The following NUP214 variants were observed in gnomAD, a reference collection of about 807,000 sequenced individuals.
NUP214 encodes nuclear pore complex protein Nup214.
NUP214 carries 79 observed loss-of-function variants against 196.2 expected under a neutral mutation model. The ratio of observed to expected loss-of-function variants is 0.40; its 90% confidence interval spans 0.34 to 0.49. The LOEUF is 0.49. Among genes scored for constraint, NUP214 ranks in the 20% least tolerant of loss-of-function variants. The pLI, the probability that NUP214 is intolerant of heterozygous loss-of-function variation, is 0.58. For synonymous variants in NUP214, 1,020 were observed against 990.5 expected (o/e 1.03, Z -0.56); for missense variants, 2,468 against 2,539.0 (o/e 0.97, Z 0.60).
In NUP214 at chr9:131,198,882, G is replaced by A; in HGVS notation, c.5388G>A (p.Gly1796=). 1 of 1,614,178 alleles carries A rather than the reference G, an allele frequency of 6.2e-7. No individual in the cohort carries two copies. The highest frequency in any genetic ancestry group is 1.3e-5 in the African/African-American group (1 of 75,044). Residue 1796 remains glycine (G), a synonymous_variant, in exon 29 of 36, where the codon GGG becomes GGA. Transcript: ENST00000359428. ...FGQSSPNTGG[G]LFGQSNAPAF... is the part of the protein sequence containing the mutation. ...AGTCTTCTCCCAACACAGGAGGGGG[G>A]CTGTTTGGCCAAAGCAACGCTCCTG...
intron 19 of NUP214, among the ~76,000 whole-genome samples, chr9:131,163,491 G>A (rs1832701919): frequency 6.6e-6 from 1 of 152,138 alleles, no homozygotes. Context: ...CAGCTGATAG[G>A]ATTAAGTTGA....
In NUP214 at chr9:131,175,599, G is replaced by A. The variant is rs779915541; in HGVS notation, c.3297G>A (p.Arg1099=). ...CAGCTGCCGCAGCAGCACTCAGGCG[G>A]CAGATGGCCAGTCAGGCACCAGGTA... The part of the protein sequence containing the change: ...PQAAAAAALR[R]QMASQAPAVN... The change falls in exon 23 of 36, where the codon CGG becomes CGA. Residue 1099 remains arginine (R), a synonymous_variant. Coordinates refer to ENST00000359428, the MANE Select transcript of NUP214 (RefSeq NM_005085.4). 3 of 1,614,052 alleles carry A rather than the reference G, an allele frequency of 1.9e-6. No individual in the cohort carries two copies. The highest frequency in any genetic ancestry group is 2.2e-5 in the South Asian group (2 of 91,090).
At chr9:131,220,909 C>A (rs1834538404) in intron 31 of NUP214, among the ~76,000 whole-genome samples, 1 of 152,194 alleles carries the variant, frequency 6.6e-6, no homozygotes, top group Admixed American at 6.5e-5. Flanking sequence ...ACCACTGTCC[C>A]AATAACATCA....
At chr9:131,172,938 G>A (rs997168946) in intron 21 of NUP214, among the ~76,000 whole-genome samples, 1 of 152,198 alleles carries the variant, frequency 6.6e-6, no homozygotes, top group Non-Finnish European at 1.5e-5. Flanking sequence ...TATACAGGAA[G>A]TATTCACTTG....
At chr9:131,140,759 A>C in intron 11 of NUP214, 49 bp downstream of exon 11, 1 of 1,546,384 alleles carries the variant, frequency 6.5e-7, no homozygotes, top group Non-Finnish European at 8.8e-7. Flanking sequence ...ATGGGCTTGC[A>C]CAAGAGTATT....
At chr9:131,163,485 T>A (rs1051539266) in intron 19 of NUP214, among the ~76,000 whole-genome samples, 3 of 152,164 alleles carry the variant, frequency 2.0e-5, no homozygotes, top group Non-Finnish European at 4.4e-5. Context: ...GAAAATCAGC[T>A]GATAGGATTA....
chr9:131,229,909 T>C, intron 33 of NUP214: 1 of 386,898 alleles, frequency 2.6e-6, no homozygotes, highest in South Asian at 1.9e-5. Context: ...CTGCCCCTTC[T>C]CCCAGAAACC....
intron 30 of NUP214, among the ~76,000 whole-genome samples, chr9:131,204,272 T>C (rs1834017316): frequency 1.3e-5 from 2 of 152,172 alleles, no homozygotes; most frequent in African/African-American, 4.8e-5. Flanking sequence ...TATAAAATCT[T>C]AAGAAGTGTC....
At chr9:131,194,460 A>G (rs1371970460) in intron 27 of NUP214, among the ~76,000 whole-genome samples, 1 of 151,894 alleles carries the variant, frequency 6.6e-6, no homozygotes, top group East Asian at 1.9e-4. Context: ...CTGGTCTCAA[A>G]CTCCTGGGCT....
intron 30 of NUP214, among the ~76,000 whole-genome samples, chr9:131,209,003 A>G (rs1348715901): frequency 6.6e-6 from 1 of 152,026 alleles, no homozygotes; most frequent in Admixed American, 6.6e-5. Flanking sequence ...ACAGAGTGAG[A>G]CTCCATCTCA....
chr9:131,164,011 A>G (rs746888883), intron 20 of NUP214, 50 bp from the exon 21 acceptor site: 34 of 1,612,756 alleles, frequency 2.1e-5, no homozygotes, highest in Non-Finnish European at 2.6e-5. Flanking sequence ...AAGTACTGAT[A>G]TCTTAAAAAC....
At chr9:131,163,415 A>G in intron 19 of NUP214, 1 of 494,962 alleles carries the variant, frequency 2.0e-6, no homozygotes, top group Non-Finnish European at 3.5e-6. Context: ...CACTGATGAA[A>G]TGGGTGCTGA....
intron 32 of NUP214, among the ~76,000 whole-genome samples, chr9:131,223,956 A>G (rs1480126751): frequency 1.3e-5 from 2 of 148,630 alleles, no homozygotes; most frequent in Non-Finnish European, 3.0e-5. Flanking sequence ...GGATGGTCTC[A>G]ATCTCCTGAC....
chr9:131,129,393 G>T lies in NUP214; in HGVS notation c.508G>T (p.Ala170Ser). ...TVPSMVAVCL[A>S]DGSIAVLQVT... The stretch of plus-strand genomic sequence containing the variant: ...CCCCTCCATGGTGGCAGTTTGTCTG[G>T]CTGATGGTAGTATTGCTGTCCTGCA... The change falls in exon 4 of 36, where the codon GCT becomes TCT. Residue 170 changes from alanine to serine, a missense_variant. Ala to Ser is a moderately conservative substitution (Grantham distance 99). Coordinates refer to ENST00000359428, the MANE Select transcript of NUP214 (RefSeq NM_005085.4). The T allele has an allele frequency of 6.2e-7, 1 of 1,614,224 alleles. No individual in the cohort carries two copies. Among genetic ancestry groups the T allele is most frequent in the Non-Finnish European group, 8.5e-7 (1 of 1,180,032 alleles).
At chr9:131,132,698 C>T in intron 6 of NUP214, 39 bp downstream of exon 6, 1 of 1,530,894 alleles carries the variant, frequency 6.5e-7, no homozygotes. Context: ...CCTCTAATGA[C>T]ATGTTATGTA....
At chr9:131,132,884 A>G (rs1007840132) in intron 6 of NUP214, 15 of 618,632 alleles carry the variant, frequency 2.4e-5, no homozygotes, top group African/African-American at 5.6e-5. Context: ...TTTTATTACA[A>G]TTCTTCATAA....
Position 131,127,662 on chromosome 9 carries a change from T to G in NUP214, c.184T>G (p.Phe62Val), listed in dbSNP as rs1473026676. The G allele has an allele frequency of 6.2e-7, 1 of 1,613,980 alleles. No individual in the cohort carries two copies. The highest frequency in any genetic ancestry group is 8.5e-7 in the Non-Finnish European group (1 of 1,180,026). Reference protein sequence around the residue: ...FAGGASGLQIFPTKNLLIQNK... With the variant: ...FAGGASGLQIVPTKNLLIQNK... ...TGGTGGAGCCAGTGGCTTGCAGATT[T>G]TTCCTACTAAAAATCTTCTTATTCA... The change falls in exon 2 of 36, where the codon TTT becomes GTT. Residue 62 changes from phenylalanine (F) to valine (V), a missense_variant. This residue lies in a region of NUP214 where 392 missense variants were observed against 417.9 expected (regional missense o/e 0.94). Transcript: ENST00000359428.
At chr9:131,173,355 C>CTTT (rs10706351) in intron 21 of NUP214, among the ~76,000 whole-genome samples, 907 of 38,218 alleles carry the variant, frequency 0.024, 26 homozygotes, top group Non-Finnish European at 0.033. Context: ...TGCACCCAGC[C>CTTT]TTTTTTTTTT....
At chr9:131,180,742 C>T (rs984066488) in intron 24 of NUP214, among the ~76,000 whole-genome samples, 2 of 152,146 alleles carry the variant, frequency 1.3e-5, no homozygotes, top group Admixed American at 1.3e-4. Flanking sequence ...GCCCTGGGTA[C>T]TAGAGATAGG....
Sources: allele counts gnomAD v4.1 joint callset (sites outside exome capture counted in the v4.1 genomes callset), GRCh38; gene constraint gnomAD v4.1.1; regional missense constraint gnomAD v4.1.1; transcripts MANE v1.5; gene names NCBI Gene and HGNC (gene_info 2026-07-23, HGNC 2026-07-21).